HMGCLL1: variants seen among roughly 807,000 people sequenced by gnomAD.
The protein encoded by HMGCLL1 is 3-hydroxymethyl-3-methylglutaryl-CoA lyase, cytoplasmic.
In HMGCLL1, 36 loss-of-function variants were observed where a neutral mutation model predicts 39.1. That is an observed-to-expected ratio of 0.92 (90% confidence interval 0.71 to 1.22). The LOEUF (loss-of-function observed/expected upper bound fraction) is 1.22, where lower values mean the gene tolerates loss of function less well. Ranked by LOEUF, HMGCLL1 falls within the 50% of genes most tolerant of loss-of-function variation. The pLI is 0.00. For missense variants in HMGCLL1, 451 were observed against 416.5 expected, an observed-to-expected ratio of 1.08 and a Z score of -0.72; for synonymous variants, 149 against 144.0, an observed-to-expected ratio of 1.03 and a Z score of -0.25.
At chr6:55,461,199 C>G (rs56154562) in intron 7 of HMGCLL1, among the ~76,000 whole-genome samples, 34,430 of 151,480 alleles carry the variant, frequency 0.23, 5,315 homozygotes, top group African/African-American at 0.45. Flanking sequence ...TAATCTAGAC[C>G]GTCATCTAAG....
At chr6:55,517,719 T>C (rs1005615335) in intron 3 of HMGCLL1, among the ~76,000 whole-genome samples, 3 of 152,080 alleles carry the variant, frequency 2.0e-5, no homozygotes, top group African/African-American at 7.2e-5. Context: ...TTTACTCTTA[T>C]TGATACATTC....
the HMGCLL1 span, among the ~76,000 whole-genome samples, chr6:55,653,270 C>G: frequency 6.6e-6 from 1 of 151,872 alleles, no homozygotes; most frequent in Admixed American, 6.6e-5. Context: ...CTTGTTGTAT[C>G]CAGTAATCTT....
chr6:55,561,645 A>T (rs1770954220), intron 1 of HMGCLL1, among the ~76,000 whole-genome samples: 1 of 152,154 alleles, frequency 6.6e-6, no homozygotes, highest in South Asian at 2.1e-4. Flanking sequence ...AAAAAAGTAT[A>T]TGATTATGTC....
intron 5 of HMGCLL1, among the ~76,000 whole-genome samples, chr6:55,510,002 G>C (rs1461626195): frequency 2.0e-5 from 3 of 151,680 alleles, no homozygotes; most frequent in East Asian, 1.9e-4. Flanking sequence ...CCTGACAATT[G>C]TCTTTGTTTT....
chr6:55,574,178 G>T (rs1306226535), intron 1 of HMGCLL1, among the ~76,000 whole-genome samples: 1 of 151,482 alleles, frequency 6.6e-6, no homozygotes, highest in Non-Finnish European at 1.5e-5. Flanking sequence ...AAGAAAAACT[G>T]AAAAAAATCA....
rs764138659 is a variant in HMGCLL1 at position 55,514,180 on chromosome 6, G to C, written c.410C>G (p.Thr137Ser). The C allele has an allele frequency of 6.2e-7, 1 of 1,607,744 alleles. No homozygotes were observed. Among genetic ancestry groups the C allele is most frequent in the South Asian group, 1.1e-5 (1 of 89,302 alleles). Reference protein sequence around the residue: ...GFHHAVAAGATEISVFGAASE... With the variant: ...GFHHAVAAGASEISVFGAASE... ...TGCAGCTCCAAAAACTGATATCTCA[G>C]TAGCTCCAGCAGCAACCTGAAAAAT... Residue 137 changes from threonine (T) to serine (S), a missense_variant, in exon 5 of 9, where the codon ACT becomes AGT. Physicochemically the swap from Thr to Ser is moderately conservative, Grantham distance 58. Coordinates refer to ENST00000274901, the MANE Select transcript of HMGCLL1 (RefSeq NM_001042406.2).
At chr6:55,499,438 C>A in intron 5 of HMGCLL1, 139 bp from the exon 6 acceptor site, 1 of 557,836 alleles carries the variant, frequency 1.8e-6, no homozygotes, top group Non-Finnish European at 3.0e-6. Flanking sequence ...GTCATTGGAC[C>A]AAACCAAATG....
At chr6:55,586,000 T>C in the HMGCLL1 span, among the ~76,000 whole-genome samples, 1 of 152,102 alleles carries the variant, frequency 6.6e-6, no homozygotes, top group Non-Finnish European at 1.5e-5. Flanking sequence ...CAAAACATTA[T>C]AGTAGAATTT....
chr6:55,436,120 T>G (rs1412170577), intron 8 of HMGCLL1, among the ~76,000 whole-genome samples: 1 of 151,896 alleles, frequency 6.6e-6, no homozygotes, highest in East Asian at 1.9e-4. Flanking sequence ...AATAATGTTT[T>G]GGAGCAGTTT....
At chr6:55,540,170 T>C (rs1769342917) in intron 3 of HMGCLL1, among the ~76,000 whole-genome samples, 2 of 152,012 alleles carry the variant, frequency 1.3e-5, no homozygotes, top group Admixed American at 1.3e-4. Flanking sequence ...ATAAATACCA[T>C]TTAAGGGACT....
chr6:55,622,508 T>C, the HMGCLL1 span, among the ~76,000 whole-genome samples: 1 of 152,086 alleles, frequency 6.6e-6, no homozygotes, highest in African/African-American at 2.4e-5. Context: ...AATGCTGTTT[T>C]AGTATCAGTT....
At chr6:55,509,842 T>A (rs1168440120) in intron 5 of HMGCLL1, among the ~76,000 whole-genome samples, 1 of 151,820 alleles carries the variant, frequency 6.6e-6, no homozygotes, top group Non-Finnish European at 1.5e-5. Flanking sequence ...AAGAAGAAAG[T>A]CAATAGTGAG....
At chr6:55,447,006 A>C (rs887668934) in intron 7 of HMGCLL1, among the ~76,000 whole-genome samples, 97 of 152,128 alleles carry the variant, frequency 6.4e-4, no homozygotes, top group African/African-American at 2.2e-3. Flanking sequence ...TTTAACATGA[A>C]TATTCATATA....
intron 3 of HMGCLL1, among the ~76,000 whole-genome samples, chr6:55,529,869 C>G (rs531635256): frequency 6.6e-6 from 1 of 151,916 alleles, no homozygotes; most frequent in Non-Finnish European, 1.5e-5. Context: ...AATAGAGACA[C>G]AATAAAAGCA....
the HMGCLL1 span, among the ~76,000 whole-genome samples, chr6:55,603,001 A>G: frequency 2.0e-5 from 3 of 152,068 alleles, no homozygotes; most frequent in Non-Finnish European, 2.9e-5. Context: ...GTTCCCATGT[A>G]ATGATGCTGC....
chr6:55,485,099 G>A (rs1290764644), intron 7 of HMGCLL1, among the ~76,000 whole-genome samples: 3 of 152,098 alleles, frequency 2.0e-5, no homozygotes, highest in Non-Finnish European at 2.9e-5. Context: ...CAGTTGTGAA[G>A]TGGAGTAATA....
chr6:55,609,140 C>T, the HMGCLL1 span, among the ~76,000 whole-genome samples: 1 of 152,230 alleles, frequency 6.6e-6, no homozygotes, highest in Admixed American at 6.5e-5. Flanking sequence ...TCTCAGCCTC[C>T]TCTCAGCTGG....
intron 1 of HMGCLL1, among the ~76,000 whole-genome samples, chr6:55,550,904 T>C (rs1194565366): frequency 6.6e-6 from 1 of 151,640 alleles, no homozygotes; most frequent in African/African-American, 2.4e-5. Context: ...CCAAAATCCA[T>C]AGTGTTAAGG....
chr6:55,549,614 G>A lies in HMGCLL1; in HGVS notation c.109-7474C>T, dbSNP rs552867411. On this transcript the variant is annotated intron_variant, in intron 1 of 8. Transcript: ENST00000274901. ...AACTATTAAAATGCATAAATTGTCA[G>A]AGTTTTCAAGTTCAAACTCCTAAGA... Among the ~76,000 whole-genome samples the A allele has an allele frequency of 4.6e-5, 7 of 152,008 alleles. No homozygotes were observed. In the South Asian group the frequency reaches 1.5e-3, roughly 31 times the overall value.
Sources: allele counts gnomAD v4.1 joint callset (sites outside exome capture counted in the v4.1 genomes callset), GRCh38; gene constraint gnomAD v4.1.1; transcripts MANE v1.5; gene names NCBI Gene and HGNC (gene_info 2026-07-23, HGNC 2026-07-21).